Variants in PIN1 observed in about 807,000 individuals in gnomAD.
The protein encoded by PIN1 is peptidyl-prolyl cis-trans isomerase NIMA-interacting 1.
Under a neutral mutation model 19.9 loss-of-function variants are expected in PIN1, and 8 were observed. That is an observed-to-expected ratio of 0.40 (90% confidence interval 0.24 to 0.72). PIN1 has a LOEUF of 0.72. Among genes scored for constraint, PIN1 ranks in the 30% least tolerant of loss-of-function variants. PIN1 has a pLI of 0.37. For missense variants in PIN1, 185 were observed against 226.5 expected, an observed-to-expected ratio of 0.82 and a Z score of 1.18; for synonymous variants, 86 against 90.8, an observed-to-expected ratio of 0.95 and a Z score of 0.30.
Position 9,835,966 on chromosome 19 carries a change from T to C in PIN1, c.58+564T>C, listed in dbSNP as rs1163353678. On this transcript the variant is annotated intron_variant, in intron 1 of 3. Transcript: ENST00000247970. ...GTAACAGGGCATGTTTTTCTCTGTG[T>C]CAAGCGCTTTAAGTTCTCTCTGAAT... The C allele has an allele frequency of 2.6e-5, 4 of 152,584 alleles. No homozygotes were observed. In the East Asian group the frequency reaches 7.7e-4, roughly 29 times the overall value. 9.5% of individuals were successfully genotyped at this position (152,584 alleles called of 1,614,324 possible).
Position 9,838,354 on chromosome 19 carries a change from C to G in PIN1, c.59-82C>G. ...GAAGGCGCCCCCTGCAAGCCAGGCC[C>G]TCACCCTGGCTTCTGGCTGTGGGCC... On this transcript the variant is annotated intron_variant, in intron 1 of 3. Transcript: ENST00000247970. This position sits in a 1 kb window ranked among gnomAD's most constrained non-coding sequence, Gnocchi z 5.8. 8.8e-7 allele frequency: 1 copy of G among 1,130,900 alleles called. No individual in the cohort carries two copies. Among genetic ancestry groups the G allele is most frequent in the East Asian group, 2.5e-5 (1 of 39,578 alleles). 70.1% of individuals were successfully genotyped at this position (1,130,900 alleles called of 1,614,324 possible). A position where few individuals can be genotyped will look rare whatever the true frequency, so the allele number is the denominator to read the frequency against.
chr19:9,835,690 A>G (rs1385973369), intron 1 of PIN1: 4 of 436,164 alleles, frequency 9.2e-6, no homozygotes, highest in Non-Finnish European at 1.6e-5. Flanking sequence ...TCTCGGCCTA[A>G]TGCACCTGAC....
rs557513233 is a variant in PIN1, at chr19:9,846,338, A to G, written c.272-1692A>G. On this transcript the variant is annotated intron_variant, in intron 2 of 3. Coordinates refer to ENST00000247970, the MANE Select transcript of PIN1 (RefSeq NM_006221.4). The surrounding 1 kb of genome is among the most constrained non-coding windows in gnomAD (Gnocchi z 5.9). Reference sequence around the variant, plus strand: ...GCGTCATCCCTGGGATGCAGTCCCCATGGAGGGGAAGAATGATGACAGCAA... The same window carrying G: ...GCGTCATCCCTGGGATGCAGTCCCCGTGGAGGGGAAGAATGATGACAGCAA... Among the ~76,000 whole-genome samples, 1 of 152,280 alleles carries G rather than the reference A, an allele frequency of 6.6e-6. No individual in the cohort carries two copies. The highest frequency in any genetic ancestry group is 1.9e-4 in the East Asian group (1 of 5,164).
At chr19:9,848,184 C>A in intron 3 of PIN1, 44 bp downstream of exon 3, 2 of 1,195,640 alleles carry the variant, frequency 1.7e-6, no homozygotes, top group Non-Finnish European at 2.5e-6. Flanking sequence ...ACCCTTACCA[C>A]CCTGAGGGGT....
chr19:9,842,777 G>T (rs2046181153), intron 2 of PIN1, among the ~76,000 whole-genome samples: 1 of 152,222 alleles, frequency 6.6e-6, no homozygotes, highest in Admixed American at 6.5e-5. Flanking sequence ...GGGCACCTGG[G>T]CCTCATTTTC....
Position 9,848,125 on chromosome 19 carries a change from G to T in PIN1, c.367G>T (p.Gly123Cys), listed in dbSNP as rs767964996. 2 of 1,608,834 alleles carry T rather than the reference G, an allele frequency of 1.2e-6. No homozygotes were observed. The highest frequency in any genetic ancestry group is 1.7e-6 in the Non-Finnish European group (2 of 1,175,304). The change falls in exon 3 of 4, where the codon GGT becomes TGT. Residue 123 changes from glycine (G) to cysteine (C), a missense_variant. By Grantham distance (159) the Gly-to-Cys change is radical. Coordinates refer to ENST00000247970, the MANE Select transcript of PIN1 (RefSeq NM_006221.4). ...CTCAGCCAAGGCCAGGGGAGACCTG[G>T]GTGCCTTCAGCAGAGGTGCGCAAGG... ...CSSAKARGDL[G>C]AFSRGQMQKP...
chr19:9,835,331 C>T lies in PIN1; in HGVS notation c.-14C>T, dbSNP rs2046090995. ...CGCAGCTGAGGCGGAGCAGGCGCTG[C>T]GGCAGGAGGGAAGATGGCGGACGAG... On this transcript the variant is annotated 5_prime_UTR_variant, in exon 1 of 4. Coordinates refer to ENST00000247970, the MANE Select transcript of PIN1 (RefSeq NM_006221.4). 9 of 1,522,704 alleles carry T rather than the reference C, an allele frequency of 5.9e-6. No individual in the cohort carries two copies. The highest frequency in any genetic ancestry group is 7.9e-6 in the Non-Finnish European group (9 of 1,141,176). 94.3% of individuals were successfully genotyped at this position (1,522,704 alleles called of 1,614,324 possible). A position where few individuals can be genotyped will look rare whatever the true frequency, so the allele number is the denominator to read the frequency against.
In PIN1 at chr19:9,845,276, G is replaced by GTTTA. The variant is rs2046209554; in HGVS notation, c.272-2751_272-2750insATTT. ...TGTTTGTTTGTTTGTTTGTTTGTTTGTTTGAAATGGAGTTTCGCTCTTGTT... is the reference window on the plus strand; with the variant it reads ...TGTTTGTTTGTTTGTTTGTTTGTTTGTTTATTTGAAATGGAGTTTCGCTCTTGTT... On this transcript the variant is annotated intron_variant, in intron 2 of 3. Transcript: ENST00000247970. Among the ~76,000 whole-genome samples the GTTTA allele has an allele frequency of 3.6e-5, 5 of 138,394 alleles. No homozygotes were observed. In the South Asian group the frequency reaches 1.2e-3, roughly 34 times the overall value. 90.8% of individuals were successfully genotyped at this position (138,394 alleles called of 152,430 possible).
rs1305176284 is a variant in PIN1 at position 9,846,405 on chromosome 19, T to C, written c.272-1625T>C. Among the ~76,000 whole-genome samples, 1 of 152,158 alleles carries C rather than the reference T, an allele frequency of 6.6e-6. No homozygotes were observed. Among genetic ancestry groups the C allele is most frequent in the Non-Finnish European group, 1.5e-5 (1 of 68,008 alleles). ...TCCTGCTCGGTGCCGGGCACTATGC[T>C]GCATGTCACAGCCACTGGCACAAGA... On this transcript the variant is annotated intron_variant, in intron 2 of 3. Transcript: ENST00000247970. The surrounding 1 kb of genome is among the most constrained non-coding windows in gnomAD (Gnocchi z 5.9).
Position 9,838,492 on chromosome 19 carries a change from G to A in PIN1, c.115G>A (p.Gly39Ser), listed in dbSNP as rs774388688. The change falls in exon 2 of 4, where the codon GGC becomes AGC. Residue 39 changes from glycine to serine, a missense_variant. Coordinates refer to ENST00000247970, the MANE Select transcript of PIN1 (RefSeq NM_006221.4). This position sits in a 1 kb window ranked among gnomAD's most constrained non-coding sequence, Gnocchi z 5.8. ...CGCCAGCCAGTGGGAGCGGCCCAGC[G>A]GCAACAGCAGCAGTGGTGGCAAAAA... ...TNASQWERPS[G>S]NSSSGGKNGQ... 1.4e-5 allele frequency: 22 copies of A among 1,608,752 alleles called. No homozygotes were observed. The highest frequency in any genetic ancestry group is 4.5e-5 in the South Asian group (4 of 89,858).
At position 9,849,596 on chromosome 19, in the gene PIN1, C is replaced by T. The variant is rs765440978; in HGVS notation, c.*397C>T. ...TAGGCCACGCTCCTCTGTTCAGTCG[C>T]AAAGGTGAACACTCATGCGGCCCAG... On this transcript the variant is annotated 3_prime_UTR_variant, in exon 4 of 4. Transcript: ENST00000247970. 3 of 541,396 alleles carry T rather than the reference C, an allele frequency of 5.5e-6. No homozygotes were observed. In the Admixed American group the frequency reaches 5.7e-5, roughly 10 times the overall value. 33.5% of individuals were successfully genotyped at this position (541,396 alleles called of 1,614,324 possible). A position where few individuals can be genotyped will look rare whatever the true frequency, so the allele number is the denominator to read the frequency against.
chr19:9,838,603 GAGA>G lies in PIN1; in HGVS notation c.230_232del (p.Lys77del), dbSNP rs2046135045. The G allele has an allele frequency of 3.2e-6, 5 of 1,553,882 alleles. No homozygotes were observed. The highest frequency in any genetic ancestry group is 2.0e-5 in the Admixed American group (1 of 51,126). ...ACGGCGGCCCTCGTCCTGGCGGCAG[GAGA>G]AGATCACCCGGACCAAGGAGGAGGC... On this transcript the variant is annotated inframe_deletion, in exon 2 of 4. Coordinates refer to ENST00000247970, the MANE Select transcript of PIN1 (RefSeq NM_006221.4). This position sits in a 1 kb window ranked among gnomAD's most constrained non-coding sequence, Gnocchi z 5.8.
At chr19:9,835,796 C>T (rs1191546926) in intron 1 of PIN1, 7 of 232,056 alleles carry the variant, frequency 3.0e-5, no homozygotes, top group African/African-American at 4.6e-5. Context: ...TGTTGCCCGG[C>T]CTCGGGTCCA....
intron 2 of PIN1, among the ~76,000 whole-genome samples, chr19:9,843,203 C>G (rs924632442): frequency 2.0e-5 from 3 of 152,250 alleles, no homozygotes; most frequent in Admixed American, 2.0e-4. Context: ...CTGTCCTACT[C>G]ACATACCCAT....
intron 2 of PIN1, among the ~76,000 whole-genome samples, chr19:9,840,987 C>T (rs1251576757): frequency 6.6e-6 from 1 of 152,286 alleles, no homozygotes; most frequent in Admixed American, 6.5e-5. Flanking sequence ...TACAGTAAAG[C>T]GGGAGTAACA....
chr19:9,838,187 C>G lies in PIN1; in HGVS notation c.59-249C>G, dbSNP rs938160880. 2 of 573,516 alleles carry G rather than the reference C, an allele frequency of 3.5e-6. No homozygotes were observed. Among genetic ancestry groups the G allele is most frequent in the Admixed American group, 5.8e-5 (2 of 34,448 alleles). 35.5% of individuals were successfully genotyped at this position (573,516 alleles called of 1,614,324 possible). A position where few individuals can be genotyped will look rare whatever the true frequency, so the allele number is the denominator to read the frequency against. ...GAAGTTATCAGGGATTGATACTATC[C>G]TGTGTTTCATTTGCTTGTTTAGCAC... On this transcript the variant is annotated intron_variant, in intron 1 of 3. Coordinates refer to ENST00000247970, the MANE Select transcript of PIN1 (RefSeq NM_006221.4). This position sits in a 1 kb window ranked among gnomAD's most constrained non-coding sequence, Gnocchi z 5.8.
At chr19:9,835,794 G>A in intron 1 of PIN1, 1 of 234,604 alleles carries the variant, frequency 4.3e-6, no homozygotes. Flanking sequence ...GGTGTTGCCC[G>A]GCCTCGGGTC....
chr19:9,849,426 G>A lies in PIN1; in HGVS notation c.*227G>A. The A allele has an allele frequency of 1.3e-6, 1 of 742,624 alleles. No individual in the cohort carries two copies. Among genetic ancestry groups the A allele is most frequent in the Non-Finnish European group, 2.5e-6 (1 of 404,256 alleles). The allele number at this position is 742,624 out of a possible 1,614,324, so 46.0% of individuals were successfully genotyped here. ...TGCGACCGCCAGATTCTCCCTTAAG[G>A]AATTGACTTCAGCAGGGGTGGGAGG... On this transcript the variant is annotated 3_prime_UTR_variant, in exon 4 of 4. Transcript: ENST00000247970.
Position 9,849,499 on chromosome 19 carries a change from G to T in PIN1, c.*300G>T, listed in dbSNP as rs372582123. ...GTGGGAGGGGTGTTCCAAAGAGAAGGCCTGGTCAGCAGAGCCGCCCCGTGT... is the reference window on the plus strand; with the variant it reads ...GTGGGAGGGGTGTTCCAAAGAGAAGTCCTGGTCAGCAGAGCCGCCCCGTGT... On this transcript the variant is annotated 3_prime_UTR_variant, in exon 4 of 4. Transcript: ENST00000247970. The T allele has an allele frequency of 1.1e-4, 76 of 677,198 alleles. 1 individual carries two copies. The highest frequency in any genetic ancestry group is 3.8e-4 in the South Asian group (28 of 73,000). The allele number at this position is 677,198 out of a possible 1,614,324, so 41.9% of individuals were successfully genotyped here. A position where few individuals can be genotyped will look rare whatever the true frequency, so the allele number is the denominator to read the frequency against.
Sources: allele counts gnomAD v4.1 joint callset (sites outside exome capture counted in the v4.1 genomes callset), GRCh38; gene constraint gnomAD v4.1.1; non-coding constraint Gnocchi (gnomAD v3.1); transcripts MANE v1.5; gene names NCBI Gene and HGNC (gene_info 2026-07-23, HGNC 2026-07-21).